Variants in CTNNA2 observed in about 807,000 individuals in gnomAD.
CTNNA2 encodes the protein catenin alpha-2.
A neutral mutation model predicts 101.0 loss-of-function variants in CTNNA2; 42 were observed. That is an observed-to-expected ratio of 0.42 (90% CI 0.32 to 0.54). The LOEUF is 0.54. Among genes scored for constraint, CTNNA2 ranks in the 20% least tolerant of loss-of-function variants. The probability of loss-of-function intolerance (pLI) is 0.14; values close to 1 mark genes in which losing one functional copy is unlikely to be tolerated. For synonymous variants in CTNNA2, 450 were observed against 456.4 expected (o/e 0.99, Z 0.18); for missense variants, 871 against 1,223.1 (o/e 0.71, Z 4.29).
At chr2:80,267,028 G>A (rs1269296797) in intron 7 of CTNNA2, among the ~76,000 whole-genome samples, 1 of 152,142 alleles carries the variant, frequency 6.6e-6, no homozygotes, top group African/African-American at 2.4e-5. Flanking sequence ...TCTATGTTGT[G>A]AGGATCAAGG....
chr2:80,454,849 G>A (rs1203653774), intron 9 of CTNNA2, among the ~76,000 whole-genome samples: 2 of 152,208 alleles, frequency 1.3e-5, no homozygotes, highest in African/African-American at 4.8e-5. Context: ...ATTGGCAGGC[G>A]GGCAGTCAGT....
At chr2:80,390,341 A>G (rs145987861) in intron 7 of CTNNA2, among the ~76,000 whole-genome samples, 51 of 152,312 alleles carry the variant, frequency 3.3e-4, no homozygotes, top group African/African-American at 1.0e-3. Context: ...ATTCCCCTGT[A>G]TCAGGAGCTC....
intron 7 of CTNNA2, among the ~76,000 whole-genome samples, chr2:80,276,122 T>G (rs1003361504): frequency 6.6e-6 from 1 of 152,174 alleles, no homozygotes; most frequent in South Asian, 2.1e-4. Flanking sequence ...CAGGAAGAGA[T>G]AGTCGGATAT....
chr2:79,481,488 A>T (rs185647065), intron 4 of CTNNA2, among the ~76,000 whole-genome samples: 58 of 152,290 alleles, frequency 3.8e-4, no homozygotes, highest in African/African-American at 1.4e-3. Flanking sequence ...AGAGGCAAAA[A>T]AAAAGAAGTT....
At chr2:80,227,036 C>G (rs114665785) in intron 7 of CTNNA2, among the ~76,000 whole-genome samples, 1 of 152,284 alleles carries the variant, frequency 6.6e-6, no homozygotes, top group Admixed American at 6.5e-5. Flanking sequence ...CAAATTCATT[C>G]GCAGGATTGC....
intron 2 of CTNNA2, among the ~76,000 whole-genome samples, chr2:79,305,889 C>CA (rs1461294655): frequency 6.6e-6 from 1 of 151,556 alleles, no homozygotes; most frequent in Admixed American, 6.6e-5. Flanking sequence ...ACTAAAAATA[C>CA]AAAAAAATTA....
intron 2 of CTNNA2, among the ~76,000 whole-genome samples, chr2:79,237,602 T>C (rs1314580809): frequency 6.6e-6 from 1 of 152,232 alleles, no homozygotes; most frequent in Non-Finnish European, 1.5e-5. Flanking sequence ...TGTTTCATTG[T>C]CTACATTGAA....
intron 7 of CTNNA2, among the ~76,000 whole-genome samples, chr2:80,018,114 T>C (rs1198571769): frequency 6.6e-6 from 1 of 152,218 alleles, no homozygotes; most frequent in Non-Finnish European, 1.5e-5. Context: ...GAGAATGTTA[T>C]GGAATGTTAC....
intron 9 of CTNNA2, among the ~76,000 whole-genome samples, chr2:80,431,413 G>A (rs1681497384): frequency 6.6e-6 from 1 of 152,126 alleles, no homozygotes; most frequent in African/African-American, 2.4e-5. Flanking sequence ...TTTTGCATCT[G>A]GCTTGTCACT....
At chr2:80,200,868 G>T (rs919373837) in intron 7 of CTNNA2, among the ~76,000 whole-genome samples, 12 of 147,612 alleles carry the variant, frequency 8.1e-5, no homozygotes, top group Admixed American at 4.1e-4. Flanking sequence ...GATAGCCTTG[G>T]TTTTTTTTTT....
chr2:79,664,705 CTTTTTTTTTT>C (rs67782114), intron 2 of CTNNA2, among the ~76,000 whole-genome samples: 1,244 of 95,034 alleles, frequency 0.013, 17 homozygotes, highest in African/African-American at 0.051. Flanking sequence ...TCACATTCTT[CTTTTTTTTTT>C]TTTTTTTTTT....
chr2:80,285,064 G>A (rs138824246), intron 7 of CTNNA2, among the ~76,000 whole-genome samples: 208 of 151,836 alleles, frequency 1.4e-3, no homozygotes, highest in African/African-American at 4.6e-3. Flanking sequence ...TTTTTTTTCT[G>A]GAAGTGAAAT....
intron 9 of CTNNA2, among the ~76,000 whole-genome samples, chr2:80,444,046 A>C (rs1202463251): frequency 6.6e-6 from 1 of 152,140 alleles, no homozygotes; most frequent in African/African-American, 2.4e-5. Context: ...CTTAGTTCAA[A>C]CTCTGATCTG....
chr2:80,220,985 G>T (rs1002043317), intron 7 of CTNNA2, among the ~76,000 whole-genome samples: 1 of 152,014 alleles, frequency 6.6e-6, no homozygotes, highest in African/African-American at 2.4e-5. Flanking sequence ...GAGTTCAAGC[G>T]ATTCTCCTGC....
chr2:79,194,924 A>G (rs1000611978), intron 1 of CTNNA2, among the ~76,000 whole-genome samples: 1 of 152,138 alleles, frequency 6.6e-6, no homozygotes, highest in Admixed American at 6.5e-5. Context: ...GCAACTTAAT[A>G]ACCTCAAGCA....
chr2:80,099,272 G>A (rs1700386764), intron 7 of CTNNA2, among the ~76,000 whole-genome samples: 1 of 152,030 alleles, frequency 6.6e-6, no homozygotes, highest in Admixed American at 6.6e-5. Context: ...TGAGTTTTTA[G>A]TAGCTTAGTT....
chr2:79,250,346 T>A (rs1386848405), intron 2 of CTNNA2, among the ~76,000 whole-genome samples: 1 of 152,190 alleles, frequency 6.6e-6, no homozygotes, highest in African/African-American at 2.4e-5. Flanking sequence ...GTGAGGATCC[T>A]GTATGCACAC....
At chr2:80,591,053 T>C (rs1464747740) in intron 15 of CTNNA2, among the ~76,000 whole-genome samples, 3 of 152,224 alleles carry the variant, frequency 2.0e-5, no homozygotes, top group African/African-American at 4.8e-5. Context: ...AAGTGAATAA[T>C]GACTCTGGTC....
At chr2:80,110,027 A>C (rs1701119775) in intron 7 of CTNNA2, among the ~76,000 whole-genome samples, 1 of 152,154 alleles carries the variant, frequency 6.6e-6, no homozygotes, top group Non-Finnish European at 1.5e-5. Context: ...GATCCCATTC[A>C]CAGTGTTGTC....
Sources: allele counts gnomAD v4.1 joint callset (sites outside exome capture counted in the v4.1 genomes callset), GRCh38; gene constraint gnomAD v4.1.1; transcripts MANE v1.5; gene names NCBI Gene and HGNC (gene_info 2026-07-23, HGNC 2026-07-21).